Variants in LINGO2 observed in about 807,000 individuals in gnomAD.
The protein encoded by LINGO2 is leucine rich repeat and Ig domain containing 2.
A neutral mutation model predicts 30.6 loss-of-function variants in LINGO2; 14 were observed. The ratio of observed to expected loss-of-function variants is 0.46; its 90% confidence interval spans 0.30 to 0.72. The LOEUF is 0.72. LINGO2 is among the 30% of genes least tolerant of loss of function. The pLI is 0.07. For missense variants in LINGO2, 729 were observed against 751.7 expected (o/e 0.97, Z 0.35); for synonymous variants, 317 against 288.5 (o/e 1.10, Z -1.00).
At chr9:28,441,731 A>G (rs1404024011) in intron 2 of LINGO2, among the ~76,000 whole-genome samples, 1 of 152,186 alleles carries the variant, frequency 6.6e-6, no homozygotes, top group Non-Finnish European at 1.5e-5. Flanking sequence ...AGAAAATAAC[A>G]TATTATCCTA....
At chr9:29,191,231 C>T in the LINGO2 span, among the ~76,000 whole-genome samples, 2 of 152,018 alleles carry the variant, frequency 1.3e-5, no homozygotes, top group Admixed American at 1.3e-4. Context: ...TTAATATAAG[C>T]GTATTCAGTC....
chr9:29,059,574 C>G, the LINGO2 span, among the ~76,000 whole-genome samples: 3 of 151,658 alleles, frequency 2.0e-5, no homozygotes, highest in Non-Finnish European at 4.4e-5. Flanking sequence ...ACATTAGACA[C>G]AAATATATCA....
At chr9:28,226,657 AAG>A (rs1491453602) in intron 4 of LINGO2, among the ~76,000 whole-genome samples, 9 of 79,348 alleles carry the variant, frequency 1.1e-4, no homozygotes, top group African/African-American at 7.0e-5. Flanking sequence ...GAAAGAAAGA[AAG>A]AAAGAAAGAA....
the LINGO2 span, among the ~76,000 whole-genome samples, chr9:29,009,963 A>G: frequency 6.6e-6 from 1 of 152,348 alleles, no homozygotes; most frequent in African/African-American, 2.4e-5. Context: ...GTGCTGGGAA[A>G]ACTGGCTAGC....
At chr9:28,583,791 A>G (rs1824387764) in intron 1 of LINGO2, among the ~76,000 whole-genome samples, 1 of 152,048 alleles carries the variant, frequency 6.6e-6, no homozygotes, top group Non-Finnish European at 1.5e-5. Context: ...CATGGTTTGA[A>G]AACATCCCCC....
chr9:28,964,696 C>G, the LINGO2 span, among the ~76,000 whole-genome samples: 1 of 151,770 alleles, frequency 6.6e-6, no homozygotes, highest in Non-Finnish European at 1.5e-5. Context: ...ATATTAGAGG[C>G]CTGAATCAAG....
At chr9:27,965,318 T>A (rs1416814109) in intron 5 of LINGO2, among the ~76,000 whole-genome samples, 1 of 152,004 alleles carries the variant, frequency 6.6e-6, no homozygotes, top group Non-Finnish European at 1.5e-5. Context: ...ACTTTTACCT[T>A]ATACTTCTCT....
chr9:28,438,016 A>G (rs1213472309), intron 2 of LINGO2, among the ~76,000 whole-genome samples: 2 of 152,176 alleles, frequency 1.3e-5, no homozygotes, highest in Non-Finnish European at 2.9e-5. Flanking sequence ...GGGAAGTTGT[A>G]AGTTTGAAAC....
intron 4 of LINGO2, among the ~76,000 whole-genome samples, chr9:28,163,403 CAA>C (rs1224877262): frequency 6.6e-6 from 1 of 151,994 alleles, no homozygotes; most frequent in East Asian, 1.9e-4. Context: ...AATGTGAATG[CAA>C]AGTCTTTGTT....
the LINGO2 span, among the ~76,000 whole-genome samples, chr9:28,849,108 A>G: frequency 6.6e-6 from 1 of 152,036 alleles, no homozygotes; most frequent in African/African-American, 2.4e-5. Context: ...TCCACTCTAG[A>G]GTTCTATGTG....
Position 28,480,301 on chromosome 9 carries a change from C to A in LINGO2, c.-364-4276G>T, listed in dbSNP as rs558823099. On this transcript the variant is annotated intron_variant, in intron 1 of 5. Coordinates refer to ENST00000379992, the Ensembl canonical transcript of LINGO2. ...TTTTCTTTGCACATATGTTCAAATG[C>A]TATCTTCAATAATTTCTTTGAAAGG... Among the ~76,000 whole-genome samples the A allele has an allele frequency of 3.9e-5, 6 of 151,982 alleles. No homozygotes were observed. The East Asian group carries it at 9.7e-4, about 25-fold the overall frequency.
intron 4 of LINGO2, among the ~76,000 whole-genome samples, chr9:28,146,350 A>G (rs1460569428): frequency 6.6e-6 from 1 of 152,214 alleles, no homozygotes; most frequent in Non-Finnish European, 1.5e-5. Flanking sequence ...TAAAAACTAT[A>G]GAGTTATTTA....
At chr9:28,638,878 C>T (rs1048552176) in intron 1 of LINGO2, among the ~76,000 whole-genome samples, 1 of 152,060 alleles carries the variant, frequency 6.6e-6, no homozygotes. Context: ...AATGTGTTTG[C>T]TCTTGCTTCT....
intron 4 of LINGO2, among the ~76,000 whole-genome samples, chr9:28,023,091 C>G (rs1340620619): frequency 2.6e-5 from 4 of 151,964 alleles, no homozygotes; most frequent in African/African-American, 9.7e-5. Flanking sequence ...TCAATTAGAG[C>G]CTTTAACATA....
chr9:28,089,697 C>A (rs2133256688), intron 4 of LINGO2, among the ~76,000 whole-genome samples: 1 of 152,026 alleles, frequency 6.6e-6, no homozygotes, highest in Non-Finnish European at 1.5e-5. Context: ...TAGCAGAAGG[C>A]AAGAAATAAC....
chr9:28,162,187 C>A (rs189159786), intron 4 of LINGO2, among the ~76,000 whole-genome samples: 11 of 152,014 alleles, frequency 7.2e-5, no homozygotes, highest in African/African-American at 2.7e-4. Context: ...TGCAGACAAA[C>A]GAAAGACTCA....
chr9:28,516,987 G>A (rs1057277892), intron 1 of LINGO2, among the ~76,000 whole-genome samples: 5 of 152,192 alleles, frequency 3.3e-5, no homozygotes, highest in Non-Finnish European at 5.9e-5. Context: ...TGTCAGCATG[G>A]ATCTGTGGCA....
intron 4 of LINGO2, among the ~76,000 whole-genome samples, chr9:28,107,891 T>A (rs887147768): frequency 5.9e-5 from 9 of 152,126 alleles, no homozygotes; most frequent in Non-Finnish European, 1.2e-4. Flanking sequence ...CAACCTCCCT[T>A]ACATGTATCC....
chr9:28,640,441 GT>G (rs2135931111), intron 1 of LINGO2, among the ~76,000 whole-genome samples: 1 of 151,132 alleles, frequency 6.6e-6, no homozygotes, highest in African/African-American at 2.4e-5. Context: ...CATTCTCCCC[GT>G]TACTTTCAGG....
Sources: gnomAD v4.1 joint callset for allele counts (sites outside exome capture counted in the v4.1 genomes callset) on GRCh38, gnomAD v4.1.1 for gene constraint, MANE v1.5 for transcripts, NCBI Gene and HGNC (gene_info 2026-07-23, HGNC 2026-07-21) for gene names.